Variants in CACNA2D3 observed in about 807,000 individuals in gnomAD.
The protein encoded by CACNA2D3 is calcium voltage-gated channel auxiliary subunit alpha2delta 3.
In CACNA2D3, 60 loss-of-function variants were observed where a neutral mutation model predicts 160.6. The ratio of observed to expected loss-of-function variants is 0.37; its 90% CI spans 0.30 to 0.46. The LOEUF is 0.46. Ranked by LOEUF, CACNA2D3 falls within the 20% of genes least tolerant of loss-of-function variation. The pLI is 1.00. For missense variants in CACNA2D3, 1,205 were observed against 1,365.0 expected (o/e 0.88, Z 1.85); for synonymous variants, 558 against 492.9 (o/e 1.13, Z -1.75).
chr3:54,808,512 T>G (rs1324457230), intron 13 of CACNA2D3, among the ~76,000 whole-genome samples: 1 of 152,046 alleles, frequency 6.6e-6, no homozygotes, highest in Non-Finnish European at 1.5e-5. Flanking sequence ...TCGATTAGAC[T>G]AGATTAGGTC....
intron 3 of CACNA2D3, among the ~76,000 whole-genome samples, chr3:54,374,180 A>C (rs556351525): frequency 6.6e-6 from 1 of 152,314 alleles, no homozygotes; most frequent in African/African-American, 2.4e-5. Context: ...TGAGTTGACA[A>C]ATCTAGGAAG....
rs866762051 is a variant in CACNA2D3 at position 54,288,914 on chromosome 3, G to A, written c.205-31528G>A. On this transcript the variant is annotated intron_variant, in intron 2 of 37. Transcript: ENST00000474759. ...TCAAGAAATTAGGTATTGATGGGAC[G>A]TATCTCAAAATAATAAGAGCTATCT... Among the ~76,000 whole-genome samples, 819 of 152,184 alleles carry A rather than the reference G, an allele frequency of 5.4e-3. 4 individuals are homozygous for A. The highest frequency in any genetic ancestry group is 0.018 in the African/African-American group (730 of 41,506).
At chr3:54,770,561 C>T (rs1031105019) in intron 13 of CACNA2D3, among the ~76,000 whole-genome samples, 2 of 152,116 alleles carry the variant, frequency 1.3e-5, no homozygotes, top group African/African-American at 2.4e-5. Flanking sequence ...TTTTTCTAAA[C>T]GGGAAAAGGG....
At chr3:55,068,258 G>T (rs1447680935) in intron 35 of CACNA2D3, among the ~76,000 whole-genome samples, 3 of 152,268 alleles carry the variant, frequency 2.0e-5, no homozygotes, top group Non-Finnish European at 4.4e-5. Context: ...GAGAATGGAT[G>T]TTGCCAGTGA....
intron 2 of CACNA2D3, among the ~76,000 whole-genome samples, chr3:54,174,316 C>G (rs887677716): frequency 6.6e-6 from 1 of 152,168 alleles, no homozygotes; most frequent in Non-Finnish European, 1.5e-5. Context: ...TACAGACTCC[C>G]CCTTCAGTCC....
rs574614070 is a variant in CACNA2D3 at position 54,154,984 on chromosome 3, C to T, written c.204+31390C>T. Reference sequence around the variant, plus strand: ...AATTATTTAAATGAAAACCTTGAATCAGTACTATAAATAAATAACAAACCA... The same window carrying T: ...AATTATTTAAATGAAAACCTTGAATTAGTACTATAAATAAATAACAAACCA... On this transcript the variant is annotated intron_variant, in intron 2 of 37. Transcript: ENST00000474759. 1.4e-3 allele frequency among the ~76,000 whole-genome samples: 215 copies of T among 152,250 alleles called. 1 individual carries two copies. Among genetic ancestry groups the T allele is most frequent in the African/African-American group, 4.9e-3 (203 of 41,544 alleles).
intron 27 of CACNA2D3, chr3:54,925,034 G>A (rs560606749): frequency 1.9e-6 from 3 of 1,614,124 alleles, no homozygotes; most frequent in East Asian, 2.2e-5. Flanking sequence ...CAGGAAGATG[G>A]TGTATCTGAT....
chr3:54,572,501 A>G (rs1178625055), intron 8 of CACNA2D3, among the ~76,000 whole-genome samples: 2 of 152,184 alleles, frequency 1.3e-5, no homozygotes, highest in African/African-American at 2.4e-5. Flanking sequence ...CGCAGAAGTG[A>G]CTTTTTGAGT....
intron 2 of CACNA2D3, among the ~76,000 whole-genome samples, chr3:54,129,825 T>C (rs1699672731): frequency 6.6e-6 from 1 of 152,168 alleles, no homozygotes; most frequent in African/African-American, 2.4e-5. Context: ...TTATTAAGTG[T>C]GTGTATGTGT....
At chr3:54,547,445 C>G (rs1012425443) in intron 5 of CACNA2D3, among the ~76,000 whole-genome samples, 2 of 152,136 alleles carry the variant, frequency 1.3e-5, no homozygotes, top group African/African-American at 4.8e-5. Flanking sequence ...GATTTGCTCA[C>G]AGATGATATT....
chr3:54,417,575 G>A (rs1005462960), intron 4 of CACNA2D3, among the ~76,000 whole-genome samples: 3 of 152,116 alleles, frequency 2.0e-5, no homozygotes, highest in African/African-American at 7.2e-5. Context: ...AACTTCTACA[G>A]ATATAGCATT....
At chr3:54,434,513 G>T (rs1700033830) in intron 4 of CACNA2D3, among the ~76,000 whole-genome samples, 1 of 152,210 alleles carries the variant, frequency 6.6e-6, no homozygotes, top group South Asian at 2.1e-4. Flanking sequence ...AGGGCTTTTG[G>T]GTGGTCCCAG....
Position 54,599,051 on chromosome 3 carries a change from C to T in CACNA2D3, c.963+17174C>T, listed in dbSNP as rs1484119286. 3.9e-5 allele frequency among the ~76,000 whole-genome samples: 6 copies of T among 152,142 alleles called. No individual in the cohort carries two copies. The East Asian group carries it at 5.8e-4, about 15-fold the overall frequency. On this transcript the variant is annotated intron_variant, in intron 9 of 37. Coordinates refer to ENST00000474759, the MANE Select transcript of CACNA2D3 (RefSeq NM_018398.3). The stretch of plus-strand genomic sequence containing the variant: ...AAATGCAACTAGCAAGAGGTCCCAC[C>T]GTGCATTTTAAAATCGCGCCCTATT...
At chr3:54,477,724 C>T (rs1382650576) in intron 4 of CACNA2D3, among the ~76,000 whole-genome samples, 1 of 152,138 alleles carries the variant, frequency 6.6e-6, no homozygotes, top group Non-Finnish European at 1.5e-5. Context: ...GTCTGTCTTC[C>T]AACCACATCT....
chr3:54,478,662 A>ATATATATATATATATATATATTGC lies in CACNA2D3; in HGVS notation c.382-24813_382-24812insATATTGCTATATATATATATATAT, dbSNP rs67073053. ...AATATATATATAAATATGTGTGTGT[A>ATATATATATATATATATATATTGC]TATATATATATATATATTGCTTGTC... On this transcript the variant is annotated intron_variant, in intron 4 of 37. Transcript: ENST00000474759. 8.3e-5 allele frequency among the ~76,000 whole-genome samples: 3 copies of ATATATATATATATATATATATTGC among 36,018 alleles called. 1 individual carries two copies. The highest frequency in any genetic ancestry group is 1.9e-4 in the African/African-American group (1 of 5,162). 23.6% of individuals were successfully genotyped at this position (36,018 alleles called of 152,430 possible).
At chr3:54,777,089 C>T (rs1260441988) in intron 13 of CACNA2D3, among the ~76,000 whole-genome samples, 1 of 152,164 alleles carries the variant, frequency 6.6e-6, no homozygotes, top group Admixed American at 6.5e-5. Flanking sequence ...TTGATATCAG[C>T]TGCCAGTTTC....
chr3:55,058,594 C>A (rs1424897991), intron 35 of CACNA2D3, among the ~76,000 whole-genome samples: 1 of 151,630 alleles, frequency 6.6e-6, no homozygotes, highest in African/African-American at 2.4e-5. Context: ...ATACTGATCA[C>A]TGAGATTTAG....
intron 13 of CACNA2D3, among the ~76,000 whole-genome samples, chr3:54,815,540 T>G (rs1467106891): frequency 2.0e-5 from 3 of 152,222 alleles, no homozygotes; most frequent in Non-Finnish European, 4.4e-5. Flanking sequence ...CTTTGCATTT[T>G]CTAGCACTTC....
chr3:54,185,992 C>A (rs565862520), intron 2 of CACNA2D3, among the ~76,000 whole-genome samples: 1 of 152,324 alleles, frequency 6.6e-6, no homozygotes, highest in African/African-American at 2.4e-5. Context: ...GCTCTCCCAT[C>A]CTCCCCCAGA....
Sources: gnomAD v4.1 joint callset for allele counts (sites outside exome capture counted in the v4.1 genomes callset) on GRCh38, gnomAD v4.1.1 for gene constraint, MANE v1.5 for transcripts, NCBI Gene and HGNC (gene_info 2026-07-23, HGNC 2026-07-21) for gene names.